KATNAL1: variants seen among roughly 807,000 people sequenced by gnomAD.
KATNAL1 encodes katanin p60 ATPase-containing subunit A-like 1.
Under a neutral mutation model 55.2 loss-of-function variants are expected in KATNAL1, and 32 were observed. The ratio of observed to expected loss-of-function variants is 0.58; its 90% confidence interval spans 0.44 to 0.78. The LOEUF (loss-of-function observed/expected upper bound fraction) is 0.78, where lower values mean the gene tolerates loss of function less well. KATNAL1 is among the 30% of genes least tolerant of loss of function. The probability of loss-of-function intolerance (pLI) is 0.00; values close to 1 mark genes in which losing one functional copy is unlikely to be tolerated. For missense variants in KATNAL1, 466 were observed against 600.9 expected (o/e 0.78, Z 2.35); for synonymous variants, 193 against 193.6 (o/e 1.00, Z 0.02).
At chr13:30,283,891 T>G (rs78470826) in intron 1 of KATNAL1, 100 bp from the exon 2 acceptor site, 1 of 848,768 alleles carries the variant, frequency 1.2e-6, no homozygotes, top group South Asian at 2.1e-5. Flanking sequence ...TTTTTTTTTT[T>G]TTGAAACAGA....
chr13:30,259,620 C>T (rs1218499571), intron 3 of KATNAL1, among the ~76,000 whole-genome samples: 2 of 152,150 alleles, frequency 1.3e-5, no homozygotes, highest in African/African-American at 4.8e-5. Context: ...CAGACGGCAC[C>T]TGGAAAATCG....
chr13:30,230,681 AGAG>A (rs1394508724), intron 7 of KATNAL1, 87 bp from the exon 8 acceptor site: 10 of 981,134 alleles, frequency 1.0e-5, no homozygotes, highest in Non-Finnish European at 1.5e-5. Context: ...CAATGGCAAA[AGAG>A]AGCAGAAACT....
At chr13:30,243,656 A>ATAGAT (rs149114224) in intron 4 of KATNAL1, among the ~76,000 whole-genome samples, 3,105 of 150,822 alleles carry the variant, frequency 0.021, 45 homozygotes, top group Non-Finnish European at 0.033. Context: ...AACAAAAGAG[A>ATAGAT]TAGATTTCAG....
In KATNAL1 at chr13:30,208,278, C is replaced by A; in HGVS notation, c.*262G>T. 3.0e-6 allele frequency: 1 copy of A among 336,374 alleles called. No individual in the cohort carries two copies. Among genetic ancestry groups the A allele is most frequent in the South Asian group, 6.8e-5 (1 of 14,676 alleles). The allele number at this position is 336,374 out of a possible 1,614,324, so 20.8% of individuals were successfully genotyped here. ...TCACACTGCGCCCTTGCTTCAGCCT[C>A]CCTGATAGACTGGTTTGGGTGTGCA... On this transcript the variant is annotated 3_prime_UTR_variant, in exon 11 of 11. Coordinates refer to ENST00000380615, the MANE Select transcript of KATNAL1 (RefSeq NM_032116.5).
chr13:30,224,320 C>G (rs2137377898), intron 9 of KATNAL1, among the ~76,000 whole-genome samples: 1 of 152,080 alleles, frequency 6.6e-6, no homozygotes, highest in Non-Finnish European at 1.5e-5. Context: ...TGCTTGAGGC[C>G]AGGAGTTTGA....
rs1220499823 is a variant in KATNAL1, at chr13:30,260,823, A to C, written c.324-5208T>G. 8.1e-5 allele frequency among the ~76,000 whole-genome samples: 12 copies of C among 147,996 alleles called. 1 individual carries two copies. The highest frequency in any genetic ancestry group is 3.0e-4 in the African/African-American group (12 of 40,580). On this transcript the variant is annotated intron_variant, in intron 3 of 10. Transcript: ENST00000380615. ...GGATATCATCCAGGAGAACTTCCCC[A>C]ATCTAGCAAGGCAGGCCAACATACA... is the stretch of plus-strand genomic sequence containing the variant.
At chr13:30,307,007 G>C (rs1048447396) in intron 1 of KATNAL1, 2 of 91,022 alleles carry the variant, frequency 2.2e-5, no homozygotes, top group South Asian at 3.9e-4. Flanking sequence ...TCAAGACAAA[G>C]AGAGATTTTT....
chr13:30,225,717 T>C (rs1272067889), intron 9 of KATNAL1, among the ~76,000 whole-genome samples: 1 of 147,980 alleles, frequency 6.8e-6, no homozygotes, highest in East Asian at 2.0e-4. Flanking sequence ...CAGATATAAA[T>C]ACAGTTTCCA....
chr13:30,284,059 T>C (rs895107377), intron 1 of KATNAL1, among the ~76,000 whole-genome samples: 10 of 151,986 alleles, frequency 6.6e-5, no homozygotes, highest in African/African-American at 2.2e-4. Context: ...TGGGTTTCAC[T>C]GTGTTGGCCA....
intron 9 of KATNAL1, among the ~76,000 whole-genome samples, chr13:30,215,473 C>G (rs912138761): frequency 2.6e-5 from 4 of 152,098 alleles, no homozygotes; most frequent in African/African-American, 7.2e-5. Flanking sequence ...GACACATGCA[C>G]ACGTATGTTT....
chr13:30,278,157 C>T (rs1035723598), intron 3 of KATNAL1, among the ~76,000 whole-genome samples: 1 of 151,402 alleles, frequency 6.6e-6, no homozygotes, highest in South Asian at 2.1e-4. Flanking sequence ...CTAGTAGAAC[C>T]TTGTGGAGTT....
At chr13:30,216,112 T>C (rs1874201857) in intron 9 of KATNAL1, among the ~76,000 whole-genome samples, 1 of 152,118 alleles carries the variant, frequency 6.6e-6, no homozygotes, top group Admixed American at 6.5e-5. Context: ...TTAAAATACA[T>C]TGAGCAAAAG....
chr13:30,227,362 G>T lies in KATNAL1; in HGVS notation c.1147+50C>A, dbSNP rs111250498. 3,228 of 1,559,922 alleles carry T rather than the reference G, an allele frequency of 2.1e-3. 39 individuals are homozygous for T. The African/African-American group carries it at 0.034, about 16-fold the overall frequency. ...ATGGAATAAAGATTTAGATACATGG[G>T]AAAGGTAACAAAAAGTAACAGAAAG... On this transcript the variant is annotated intron_variant, in intron 9 of 10. Coordinates refer to ENST00000380615, the MANE Select transcript of KATNAL1 (RefSeq NM_032116.5).
At chr13:30,284,128 G>C (rs1445875212) in intron 1 of KATNAL1, among the ~76,000 whole-genome samples, 1 of 152,124 alleles carries the variant, frequency 6.6e-6, no homozygotes, top group African/African-American at 2.4e-5. Flanking sequence ...CCAAAGTGCT[G>C]GGATTACAGG....
rs116242371 is a variant in KATNAL1, at chr13:30,256,531, A to G, written c.324-916T>C. On this transcript the variant is annotated intron_variant, in intron 3 of 10. Coordinates refer to ENST00000380615, the MANE Select transcript of KATNAL1 (RefSeq NM_032116.5). ...TGTATTCCATTTTTAACCACATGCCATATCTATTATTATCCCCTTTCCAGC... is the reference window on the plus strand; with the variant it reads ...TGTATTCCATTTTTAACCACATGCCGTATCTATTATTATCCCCTTTCCAGC... Among the ~76,000 whole-genome samples, 311 of 152,214 alleles carry G rather than the reference A, an allele frequency of 2.0e-3. 2 individuals carry two copies. Among genetic ancestry groups the G allele is most frequent in the African/African-American group, 7.2e-3 (297 of 41,524 alleles).
rs904281399 is a variant in KATNAL1 at position 30,210,244 on chromosome 13, A to G, written c.1274+72T>C. 3 of 1,341,654 alleles carry G rather than the reference A, an allele frequency of 2.2e-6. No individual in the cohort carries two copies. In the African/African-American group the frequency reaches 4.5e-5, roughly 20 times the overall value. The allele number at this position is 1,341,654 out of a possible 1,614,324, so 83.1% of individuals were successfully genotyped here. On this transcript the variant is annotated intron_variant, in intron 10 of 10. Coordinates refer to ENST00000380615, the MANE Select transcript of KATNAL1 (RefSeq NM_032116.5). Reference sequence around the variant, plus strand: ...TGTCTAACTACACTGGGCTAACTACATTGACTTTAAGACCAGTCCTCCTGC... The same window carrying G: ...TGTCTAACTACACTGGGCTAACTACGTTGACTTTAAGACCAGTCCTCCTGC...
chr13:30,257,728 T>C lies in KATNAL1; in HGVS notation c.324-2113A>G, dbSNP rs368211858. Among the ~76,000 whole-genome samples, 8 of 152,294 alleles carry C rather than the reference T, an allele frequency of 5.3e-5. No individual in the cohort carries two copies. The East Asian group carries it at 1.2e-3, about 22-fold the overall frequency. On this transcript the variant is annotated intron_variant, in intron 3 of 10. Coordinates refer to ENST00000380615, the MANE Select transcript of KATNAL1 (RefSeq NM_032116.5). ...TTCTGAGTGTTTGCCATTACTGACC[T>C]TGTTCTGCCACTGAATATTCTGATG...
chr13:30,215,730 A>T (rs1026201502), intron 9 of KATNAL1, among the ~76,000 whole-genome samples: 2 of 151,714 alleles, frequency 1.3e-5, no homozygotes, highest in East Asian at 1.9e-4. Context: ...AACAATGAGA[A>T]CACATGGACA....
chr13:30,237,634 C>G (rs1199671617), intron 6 of KATNAL1, among the ~76,000 whole-genome samples: 1 of 152,194 alleles, frequency 6.6e-6, no homozygotes, highest in African/African-American at 2.4e-5. Flanking sequence ...TGAAAAGGCA[C>G]TTAATATGTT....
Sources: gnomAD v4.1 joint callset for allele counts (sites outside exome capture counted in the v4.1 genomes callset) on GRCh38, gnomAD v4.1.1 for gene constraint, MANE v1.5 for transcripts, NCBI Gene and HGNC (gene_info 2026-07-23, HGNC 2026-07-21) for gene names.